The following ADAMTS19 variants were observed in gnomAD, a reference collection of about 807,000 sequenced individuals.
ADAMTS19 encodes the protein ADAM metallopeptidase with thrombospondin type 1 motif 19, also known as A disintegrin and metalloproteinase with thrombospondin motifs 19.
ADAMTS19 carries 93 observed loss-of-function variants against 153.3 expected under a neutral mutation model. The observed-to-expected ratio is 0.61, with a 90% CI of 0.51 to 0.72. The LOEUF (loss-of-function observed/expected upper bound fraction) is 0.72. ADAMTS19 is among the 30% of genes least tolerant of loss of function. The pLI, the probability that ADAMTS19 is intolerant of heterozygous loss-of-function variation, is 0.00. For synonymous variants in ADAMTS19, 600 were observed against 556.6 expected (o/e 1.08, Z -1.10); for missense variants, 1,482 against 1,552.1 (o/e 0.95, Z 0.76).
At chr5:129,490,266 C>G (rs115660126) in intron 2 of ADAMTS19, among the ~76,000 whole-genome samples, 1 of 152,108 alleles carries the variant, frequency 6.6e-6, no homozygotes. Context: ...TAATGCTTCC[C>G]CATTCTCTTA....
chr5:129,497,535 A>G (rs1750966901), intron 2 of ADAMTS19, among the ~76,000 whole-genome samples: 1 of 152,166 alleles, frequency 6.6e-6, no homozygotes, highest in Admixed American at 6.6e-5. Context: ...ATAAGTGCTC[A>G]TCAGAAACTT....
At chr5:129,543,531 A>C (rs1369636719) in intron 6 of ADAMTS19, among the ~76,000 whole-genome samples, 1 of 152,150 alleles carries the variant, frequency 6.6e-6, no homozygotes, top group Non-Finnish European at 1.5e-5. Context: ...TTTAGGGAAA[A>C]CCTGCTCCCT....
At chr5:129,623,655 G>T (rs1751887759) in intron 10 of ADAMTS19, among the ~76,000 whole-genome samples, 1 of 152,114 alleles carries the variant, frequency 6.6e-6, no homozygotes. Context: ...TTTATTAATT[G>T]CTTTTGATCA....
At chr5:129,586,580 T>C (rs1282962514) in intron 7 of ADAMTS19, among the ~76,000 whole-genome samples, 1 of 152,218 alleles carries the variant, frequency 6.6e-6, no homozygotes, top group Admixed American at 6.5e-5. Context: ...CTTTTCCAAG[T>C]TTTGGCCATT....
At chr5:129,519,209 G>T (rs1021351069) in intron 3 of ADAMTS19, among the ~76,000 whole-genome samples, 1 of 152,052 alleles carries the variant, frequency 6.6e-6, no homozygotes, top group Non-Finnish European at 1.5e-5. Flanking sequence ...GCCAGGACTG[G>T]GTTCCTTTCT....
intron 16 of ADAMTS19, among the ~76,000 whole-genome samples, chr5:129,669,452 A>T (rs1754200226): frequency 6.6e-6 from 1 of 152,112 alleles, no homozygotes; most frequent in Non-Finnish European, 1.5e-5. Flanking sequence ...ATTGATTATA[A>T]CAGCCTCACT....
intron 6 of ADAMTS19, among the ~76,000 whole-genome samples, chr5:129,548,372 G>T (rs1561564588): frequency 6.7e-6 from 1 of 150,118 alleles, no homozygotes; most frequent in Non-Finnish European, 1.5e-5. Context: ...TGAAGGATAT[G>T]AACAGACACT....
intron 8 of ADAMTS19, among the ~76,000 whole-genome samples, chr5:129,611,847 G>T (rs1441250803): frequency 6.6e-6 from 1 of 152,014 alleles, no homozygotes. Context: ...CAGAGAGAAA[G>T]GTCGGGTTAC....
At chr5:129,557,338 C>T (rs1753349516) in intron 7 of ADAMTS19, among the ~76,000 whole-genome samples, 1 of 152,138 alleles carries the variant, frequency 6.6e-6, no homozygotes, top group Admixed American at 6.6e-5. Flanking sequence ...TGGCTCCTGC[C>T]TGTAATCCCA....
Position 129,461,064 on chromosome 5 carries a change from C to A in ADAMTS19, c.92-38C>A. On this transcript the variant is annotated intron_variant, in intron 1 of 22. Coordinates refer to ENST00000274487, the MANE Select transcript of ADAMTS19 (RefSeq NM_133638.6). The surrounding 1 kb of genome is among the most constrained non-coding windows in gnomAD (Gnocchi z 4.6). ...AATGTTTGTGCTACTGGAACCGCGG[C>A]ACTTTAAGCCCCGCACTTCTGTCTG... The A allele has an allele frequency of 7.5e-7, 1 of 1,334,744 alleles. No individual in the cohort carries two copies. 82.7% of individuals were successfully genotyped at this position (1,334,744 alleles called of 1,614,324 possible).
At chr5:129,702,796 T>C (rs1244890701) in intron 20 of ADAMTS19, among the ~76,000 whole-genome samples, 1 of 151,592 alleles carries the variant, frequency 6.6e-6, no homozygotes, top group African/African-American at 2.4e-5. Flanking sequence ...GTCAGAAATA[T>C]TCTACTATAC....
intron 13 of ADAMTS19, among the ~76,000 whole-genome samples, chr5:129,650,687 T>G (rs1753279388): frequency 6.6e-6 from 1 of 152,166 alleles, no homozygotes; most frequent in South Asian, 2.1e-4. Flanking sequence ...ACCCCCACTT[T>G]CTCTCATATA....
chr5:129,516,912 A>AG (rs1295893153), intron 3 of ADAMTS19, among the ~76,000 whole-genome samples: 1 of 117,660 alleles, frequency 8.5e-6, no homozygotes, highest in Admixed American at 9.6e-5. Context: ...TTTTCGATGT[A>AG]GGCACTTATA....
intron 20 of ADAMTS19, among the ~76,000 whole-genome samples, chr5:129,701,857 A>G (rs1234203076): frequency 3.3e-5 from 5 of 152,146 alleles, no homozygotes; most frequent in Non-Finnish European, 7.3e-5. Context: ...CTTATATACT[A>G]TGACTATACT....
At chr5:129,617,918 A>T (rs1751603101) in intron 8 of ADAMTS19, among the ~76,000 whole-genome samples, 1 of 152,172 alleles carries the variant, frequency 6.6e-6, no homozygotes, top group African/African-American at 2.4e-5. Flanking sequence ...GAATCATATA[A>T]TAAAATTTCT....
At position 129,578,041 on chromosome 5, in the gene ADAMTS19, T is replaced by TACACACACACAC. The variant is rs748371915; in HGVS notation, c.1373-18490_1373-18479dup. Among the ~76,000 whole-genome samples the TACACACACACAC allele has an allele frequency of 2.4e-3, 232 of 98,612 alleles. 10 individuals carry two copies. Among genetic ancestry groups the TACACACACACAC allele is most frequent in the African/African-American group, 3.9e-3 (95 of 24,316 alleles). 64.7% of individuals were successfully genotyped at this position (98,612 alleles called of 152,430 possible). On this transcript the variant is annotated intron_variant, in intron 7 of 22. Transcript: ENST00000274487. ...GAATTTATTGATTTTCAAACTTACA[T>TACACACACACAC]ACACACACACACACACACACACACA...
intron 3 of ADAMTS19, among the ~76,000 whole-genome samples, chr5:129,511,813 A>G (rs1242753728): frequency 2.6e-5 from 4 of 151,948 alleles, no homozygotes; most frequent in African/African-American, 4.8e-5. Context: ...AGATTCACTT[A>G]TCATATACAA....
At chr5:129,560,574 G>A (rs1007532000) in intron 7 of ADAMTS19, among the ~76,000 whole-genome samples, 3 of 152,174 alleles carry the variant, frequency 2.0e-5, no homozygotes, top group Non-Finnish European at 4.4e-5. Flanking sequence ...TTTCCCTTAA[G>A]AGTGAACTCA....
At chr5:129,625,780 C>A (rs1336663031) in intron 10 of ADAMTS19, among the ~76,000 whole-genome samples, 1 of 151,952 alleles carries the variant, frequency 6.6e-6, no homozygotes, top group African/African-American at 2.4e-5. Flanking sequence ...AAATTTTCTC[C>A]CATTCTGTAG....
Sources: gnomAD v4.1 joint callset for allele counts (sites outside exome capture counted in the v4.1 genomes callset) on GRCh38, gnomAD v4.1.1 for gene constraint, Gnocchi (gnomAD v3.1) non-coding constraint, MANE v1.5 for transcripts, NCBI Gene and HGNC (gene_info 2026-07-23, HGNC 2026-07-21) for gene names.